The following DYNC1I2 variants were observed in gnomAD, a reference collection of about 807,000 sequenced individuals.
DYNC1I2 encodes the protein dynein cytoplasmic 1 intermediate chain 2.
A neutral mutation model predicts 88.6 loss-of-function variants in DYNC1I2; 53 were observed. That is an observed-to-expected ratio of 0.60 (90% CI 0.48 to 0.75). The LOEUF is 0.75. Ranked by LOEUF, DYNC1I2 falls within the 30% of genes least tolerant of loss-of-function variation. The pLI is 0.00. For missense variants in DYNC1I2, 458 were observed against 766.6 expected (o/e 0.60, Z 4.75); for synonymous variants, 198 against 254.6 (o/e 0.78, Z 2.12).
chr2:171,691,596 A>G (rs760030013), intron 2 of DYNC1I2, among the ~76,000 whole-genome samples: 1 of 152,204 alleles, frequency 6.6e-6, no homozygotes, highest in Non-Finnish European at 1.5e-5. Context: ...TCTGTGAGAC[A>G]TTATAAGAGG....
chr2:171,706,485 T>C, intron 3 of DYNC1I2, 62 bp from the exon 4 acceptor site: 1 of 1,449,450 alleles, frequency 6.9e-7, no homozygotes, highest in Admixed American at 1.7e-5. Flanking sequence ...AAAATGTGTA[T>C]TTTTCTATAA....
intron 3 of DYNC1I2, among the ~76,000 whole-genome samples, chr2:171,703,644 C>T (rs1184098435): frequency 5.9e-5 from 9 of 151,784 alleles, no homozygotes; most frequent in Non-Finnish European, 1.3e-4. Context: ...GATATTTAAA[C>T]CTCATTATGA....
At chr2:171,729,370 T>A (rs1688457678) in intron 14 of DYNC1I2, among the ~76,000 whole-genome samples, 1 of 152,164 alleles carries the variant, frequency 6.6e-6, no homozygotes, top group South Asian at 2.1e-4. Context: ...CAAATATAGA[T>A]CACCTTCACT....
At chr2:171,726,335 AATT>A in intron 10 of DYNC1I2, 42 bp downstream of exon 10, 1 of 1,334,818 alleles carries the variant, frequency 7.5e-7, no homozygotes, top group Middle Eastern at 2.6e-4. Context: ...TCATTTTTAA[AATT>A]ATAATTAGCA....
chr2:171,692,479 A>G lies in DYNC1I2; in HGVS notation c.109-298A>G, dbSNP rs1288722744. 3.3e-5 allele frequency among the ~76,000 whole-genome samples: 5 copies of G among 152,266 alleles called. No homozygotes were observed. In the East Asian group the frequency reaches 9.6e-4, roughly 29 times the overall value. ...TCCTGACCATAGACAGCAATTTCAT[A>G]CTGTAGATAATTCGAAGTTGACTGT... On this transcript the variant is annotated intron_variant, in intron 2 of 17. Transcript: ENST00000397119.
At chr2:171,704,029 A>G (rs1404192959) in intron 3 of DYNC1I2, among the ~76,000 whole-genome samples, 1 of 152,098 alleles carries the variant, frequency 6.6e-6, no homozygotes, top group East Asian at 1.9e-4. Context: ...GCTTTCTTCT[A>G]CTTGAAAAAT....
At chr2:171,710,699 CT>C (rs1247084022) in intron 5 of DYNC1I2, among the ~76,000 whole-genome samples, 186 of 138,832 alleles carry the variant, frequency 1.3e-3, no homozygotes, top group Non-Finnish European at 1.5e-3. Flanking sequence ...TCCTTTTTTC[CT>C]TTTTTTTTTT....
intron 15 of DYNC1I2, among the ~76,000 whole-genome samples, chr2:171,735,118 G>T (rs930790275): frequency 6.6e-6 from 1 of 152,118 alleles, no homozygotes; most frequent in Non-Finnish European, 1.5e-5. Context: ...TTAAGATCTG[G>T]CTCTGCCCTG....
At chr2:171,689,882 CTTTTTTTTTTTT>C (rs10716223) in intron 1 of DYNC1I2, among the ~76,000 whole-genome samples, 26 of 54,164 alleles carry the variant, frequency 4.8e-4, no homozygotes, top group African/African-American at 1.6e-3. Context: ...TTTTTCTTGC[CTTTTTTTTTTTT>C]TTTTTTTTTT....
chr2:171,697,964 T>C (rs1685913309), intron 3 of DYNC1I2, among the ~76,000 whole-genome samples: 1 of 152,240 alleles, frequency 6.6e-6, no homozygotes, highest in African/African-American at 2.4e-5. Flanking sequence ...TATTGTATCA[T>C]ATTAGTAGCA....
intron 15 of DYNC1I2, among the ~76,000 whole-genome samples, chr2:171,736,629 A>G (rs1319908818): frequency 6.6e-6 from 1 of 151,448 alleles, no homozygotes; most frequent in African/African-American, 2.4e-5. Flanking sequence ...ATTGGTTGAG[A>G]CTCCCTTTCT....
At chr2:171,724,054 A>G (rs1688077503) in intron 7 of DYNC1I2, among the ~76,000 whole-genome samples, 1 of 152,194 alleles carries the variant, frequency 6.6e-6, no homozygotes, top group Non-Finnish European at 1.5e-5. Context: ...CAAAAGTATG[A>G]GCATATATTG....
chr2:171,691,887 A>G (rs963051280), intron 2 of DYNC1I2, among the ~76,000 whole-genome samples: 3 of 152,200 alleles, frequency 2.0e-5, no homozygotes, highest in African/African-American at 2.4e-5. Context: ...AGATAATACA[A>G]TGGTATTAAA....
chr2:171,733,606 C>A (rs1688794676), intron 15 of DYNC1I2, among the ~76,000 whole-genome samples: 1 of 150,788 alleles, frequency 6.6e-6, no homozygotes, highest in South Asian at 2.1e-4. Flanking sequence ...TTGTTCATGT[C>A]CTTTGCCCTC....
rs1420613453 is a variant in DYNC1I2, at chr2:171,692,827, T to C, written c.159T>C (p.Leu53=). The change falls in exon 3 of 18, where the codon CTT becomes CTC. Residue 53 remains leucine (L), a synonymous_variant. Transcript: ENST00000397119. ...AVAPVQEESD[L]EKKRREAEAL... ...CTCCTGTGCAAGAAGAATCAGATCT[T>C]GAAAAAAAAAGGAGAGAAGCTGAAG... 1 of 1,609,284 alleles carries C rather than the reference T, an allele frequency of 6.2e-7. No individual in the cohort carries two copies. Among genetic ancestry groups the C allele is most frequent in the Non-Finnish European group, 8.5e-7 (1 of 1,177,862 alleles).
chr2:171,711,982 G>A (rs1226590176), intron 5 of DYNC1I2, among the ~76,000 whole-genome samples: 2 of 152,134 alleles, frequency 1.3e-5, no homozygotes, highest in Admixed American at 6.5e-5. Context: ...TGTTCTATTA[G>A]TAACTAAGTT....
intron 7 of DYNC1I2, among the ~76,000 whole-genome samples, chr2:171,720,046 T>G (rs62184166): frequency 7.4e-6 from 1 of 134,592 alleles, no homozygotes; most frequent in Non-Finnish European, 1.7e-5. Flanking sequence ...TTTTTTTTTT[T>G]GGCTATTTTT....
intron 6 of DYNC1I2, among the ~76,000 whole-genome samples, chr2:171,713,146 A>G (rs1486262715): frequency 1.3e-5 from 2 of 152,238 alleles, no homozygotes; most frequent in Admixed American, 1.3e-4. Flanking sequence ...TTTCAGGGTT[A>G]CTTGATATGA....
At chr2:171,700,845 A>G (rs1574521464) in intron 3 of DYNC1I2, among the ~76,000 whole-genome samples, 2 of 152,056 alleles carry the variant, frequency 1.3e-5, no homozygotes, top group East Asian at 1.9e-4. Context: ...GTTAGCCAGG[A>G]TGGTCTCAAT....
Sources: allele counts gnomAD v4.1 joint callset (sites outside exome capture counted in the v4.1 genomes callset), GRCh38; gene constraint gnomAD v4.1.1; transcripts MANE v1.5; gene names NCBI Gene and HGNC (gene_info 2026-07-23, HGNC 2026-07-21).